Variants in SSBP2 observed in about 807,000 individuals in gnomAD.
SSBP2 encodes single-stranded DNA-binding protein 2.
In SSBP2, 17 loss-of-function variants were observed where a neutral mutation model predicts 61.8. The observed-to-expected ratio is 0.28, with a 90% CI of 0.19 to 0.41. The LOEUF (loss-of-function observed/expected upper bound fraction) is 0.41. SSBP2 is among the 10% of genes least tolerant of loss of function. The probability of loss-of-function intolerance (pLI) is 1.00; values close to 1 mark genes in which losing one functional copy is unlikely to be tolerated. For missense variants in SSBP2, 310 were observed against 458.7 expected, an observed-to-expected ratio of 0.68 and a Z score of 2.96; for synonymous variants, 139 against 141.3, an observed-to-expected ratio of 0.98 and a Z score of 0.12.
intron 1 of SSBP2, among the ~76,000 whole-genome samples, chr5:81,730,859 T>C (rs1756217179): frequency 6.6e-6 from 1 of 152,152 alleles, no homozygotes; most frequent in Non-Finnish European, 1.5e-5. Flanking sequence ...ACATTTTACC[T>C]CCAGAATATT....
chr5:81,461,107 C>T lies in SSBP2; in HGVS notation c.639-4G>A. On this transcript the variant is annotated splice_polypyrimidine_tract_variant and splice_region_variant and intron_variant, in intron 9 of 16. Coordinates refer to ENST00000320672, the MANE Select transcript of SSBP2 (RefSeq NM_012446.5). ...AGGTCTACCACCACCTGGACCCCTACAAAACAATTTGATAAATGAAATTTT... is the reference window on the plus strand; with the variant it reads ...AGGTCTACCACCACCTGGACCCCTATAAAACAATTTGATAAATGAAATTTT... The T allele has an allele frequency of 6.3e-7, 1 of 1,584,874 alleles. No individual in the cohort carries two copies. Among genetic ancestry groups the T allele is most frequent in the Non-Finnish European group, 8.6e-7 (1 of 1,166,420 alleles).
chr5:81,659,397 G>A (rs1352760709), intron 1 of SSBP2, among the ~76,000 whole-genome samples: 2 of 152,100 alleles, frequency 1.3e-5, no homozygotes, highest in Non-Finnish European at 2.9e-5. Context: ...GCCAAATCAT[G>A]AATGAACTCC....
chr5:81,516,647 A>G (rs1008376253), intron 4 of SSBP2, among the ~76,000 whole-genome samples: 1 of 152,082 alleles, frequency 6.6e-6, no homozygotes. Flanking sequence ...TATGCTGATC[A>G]TTAACATATA....
At chr5:81,713,844 T>G (rs191446656) in intron 1 of SSBP2, among the ~76,000 whole-genome samples, 490 of 152,256 alleles carry the variant, frequency 3.2e-3, no homozygotes, top group Non-Finnish European at 5.3e-3. Context: ...TTCCAAAAAC[T>G]ATTCTTAACC....
intron 1 of SSBP2, among the ~76,000 whole-genome samples, chr5:81,701,346 C>A (rs2153886789): frequency 6.6e-6 from 1 of 152,090 alleles, no homozygotes; most frequent in Non-Finnish European, 1.5e-5. Flanking sequence ...CATCAAAGAT[C>A]ACTGATCATA....
chr5:81,683,361 G>A (rs1752539876), intron 1 of SSBP2, among the ~76,000 whole-genome samples: 1 of 152,096 alleles, frequency 6.6e-6, no homozygotes, highest in Non-Finnish European at 1.5e-5. Flanking sequence ...TGACAAAGGA[G>A]TAAAGGCAAT....
At chr5:81,460,410 T>A (rs1764456650) in intron 10 of SSBP2, among the ~76,000 whole-genome samples, 1 of 152,182 alleles carries the variant, frequency 6.6e-6, no homozygotes, top group Admixed American at 6.5e-5. Flanking sequence ...GATCACAACA[T>A]TAAAATCATA....
At chr5:81,629,048 G>A (rs1311345598) in intron 3 of SSBP2, among the ~76,000 whole-genome samples, 2 of 151,864 alleles carry the variant, frequency 1.3e-5, no homozygotes, top group African/African-American at 2.4e-5. Context: ...GTGCAGTGGT[G>A]CAATCTCAGC....
In SSBP2 at chr5:81,688,795, A is replaced by G. The variant is rs1753003632; in HGVS notation, c.63-38456T>C. Among the ~76,000 whole-genome samples the G allele has an allele frequency of 2.0e-5, 3 of 152,146 alleles. No homozygotes were observed. The South Asian group carries it at 6.2e-4, about 31-fold the overall frequency. On this transcript the variant is annotated intron_variant, in intron 1 of 16. Transcript: ENST00000320672. ...CCAAATTGCAAAGATTACAATGCCT[A>G]ACTCTTCAATGCTCGAACACTGATG...
Position 81,518,855 on chromosome 5 carries a change from G to T in SSBP2, c.283-5138C>A, listed in dbSNP as rs191033352. On this transcript the variant is annotated intron_variant, in intron 4 of 16. Coordinates refer to ENST00000320672, the MANE Select transcript of SSBP2 (RefSeq NM_012446.5). ...TATGCTTTTTGCCTTTTCATTTTTG[G>T]AGTAGTATTATTTAGTGTTTCTTTT... is the stretch of plus-strand genomic sequence containing the variant. 2.1e-3 allele frequency among the ~76,000 whole-genome samples: 326 copies of T among 152,124 alleles called. 1 individual carries two copies. Among genetic ancestry groups the T allele is most frequent in the African/African-American group, 7.5e-3 (312 of 41,514 alleles).
intron 4 of SSBP2, among the ~76,000 whole-genome samples, chr5:81,539,808 A>G (rs753898666): frequency 1.3e-5 from 2 of 152,140 alleles, no homozygotes; most frequent in Non-Finnish European, 2.9e-5. Context: ...GGTTTGTTAC[A>G]TAGGTATACA....
intron 3 of SSBP2, among the ~76,000 whole-genome samples, chr5:81,627,541 A>T (rs1240404340): frequency 2.6e-5 from 4 of 152,168 alleles, no homozygotes; most frequent in African/African-American, 9.7e-5. Context: ...GTATTTGGTT[A>T]TTCTTAGCTA....
chr5:81,423,660 G>A (rs866601900), intron 16 of SSBP2, among the ~76,000 whole-genome samples: 5 of 151,954 alleles, frequency 3.3e-5, no homozygotes, highest in African/African-American at 7.3e-5. Context: ...CAGGAGAATC[G>A]CTTGAACCCA....
At chr5:81,455,089 T>C (rs1254643152) in intron 10 of SSBP2, among the ~76,000 whole-genome samples, 1 of 152,092 alleles carries the variant, frequency 6.6e-6, no homozygotes, top group African/African-American at 2.4e-5. Flanking sequence ...ACGTGTTAAG[T>C]ATAAGGATAG....
chr5:81,512,917 G>A (rs1006662702), intron 5 of SSBP2, among the ~76,000 whole-genome samples: 2 of 151,750 alleles, frequency 1.3e-5, no homozygotes, highest in Non-Finnish European at 2.9e-5. Flanking sequence ...TTTCTTAAAC[G>A]GTATTATAAA....
intron 4 of SSBP2, among the ~76,000 whole-genome samples, chr5:81,592,353 TGGGTGGAGCCCACCACA>T (rs950016900): frequency 5.3e-5 from 8 of 152,338 alleles, no homozygotes; most frequent in Admixed American, 3.9e-4. Flanking sequence ...AAGCTCAAAC[TGGGTGGAGCCCACCACA>T]GCTCAAGGAG....
chr5:81,637,516 T>C (rs1397584938), intron 2 of SSBP2, among the ~76,000 whole-genome samples: 1 of 152,216 alleles, frequency 6.6e-6, no homozygotes, highest in African/African-American at 2.4e-5. Flanking sequence ...AAGGTAAAAA[T>C]ATTAAAAATA....
At chr5:81,729,385 T>C (rs960291863) in intron 1 of SSBP2, among the ~76,000 whole-genome samples, 3 of 152,142 alleles carry the variant, frequency 2.0e-5, no homozygotes, top group Admixed American at 6.5e-5. Flanking sequence ...TAAATCCCCT[T>C]TGCAGCAATT....
At chr5:81,656,896 C>T (rs7707946) in intron 1 of SSBP2, among the ~76,000 whole-genome samples, 15,543 of 151,886 alleles carry the variant, frequency 0.1, 2,027 homozygotes, top group African/African-American at 0.31. Context: ...ATGAAAAAGT[C>T]ATAAGTTTTT....
Sources: allele counts gnomAD v4.1 joint callset (sites outside exome capture counted in the v4.1 genomes callset), GRCh38; gene constraint gnomAD v4.1.1; transcripts MANE v1.5; gene names NCBI Gene and HGNC (gene_info 2026-07-23, HGNC 2026-07-21).